The following TOP6BL variants were observed in gnomAD, a reference collection of about 807,000 sequenced individuals.
TOP6BL encodes type 2 DNA topoisomerase 6 subunit B-like.
the TOP6BL span, among the ~76,000 whole-genome samples, chr11:66,804,457 A>G: frequency 9.9e-5 from 15 of 152,218 alleles, no homozygotes; most frequent in Non-Finnish European, 2.1e-4. Context: ...ATGGGACTAG[A>G]AAAGTAGTCT....
At chr11:66,777,455 A>C in the TOP6BL span, among the ~76,000 whole-genome samples, 1 of 152,220 alleles carries the variant, frequency 6.6e-6, no homozygotes, top group African/African-American at 2.4e-5. Context: ...ACAGTTCTCA[A>C]TAAGTGCTAA....
the TOP6BL span, chr11:66,761,859 TA>T: frequency 1.1e-6 from 1 of 931,494 alleles, no homozygotes; most frequent in South Asian, 1.3e-5. Context: ...ATCCTCTGGA[TA>T]ATGACAGTCC....
chr11:66,805,833 T>G, the TOP6BL span, among the ~76,000 whole-genome samples: 1 of 152,202 alleles, frequency 6.6e-6, no homozygotes, highest in Non-Finnish European at 1.5e-5. Context: ...TTGAATATTC[T>G]AAAATCCATT....
the TOP6BL span, among the ~76,000 whole-genome samples, chr11:66,823,937 AC>A: frequency 6.6e-6 from 1 of 152,178 alleles, no homozygotes; most frequent in Non-Finnish European, 1.5e-5. Context: ...GAGCAACCTT[AC>A]CTATTACGTG....
chr11:66,797,837 TAGAG>T, the TOP6BL span, among the ~76,000 whole-genome samples: 8 of 152,178 alleles, frequency 5.3e-5, no homozygotes, highest in South Asian at 2.1e-4. Context: ...TTTTGAATAT[TAGAG>T]AGCTAAATTT....
the TOP6BL span, among the ~76,000 whole-genome samples, chr11:66,746,714 CAAAAA>C: frequency 7.0e-6 from 1 of 143,162 alleles, no homozygotes; most frequent in African/African-American, 2.6e-5. Context: ...AACTCCATCT[CAAAAA>C]AAAAAAATTA....
the TOP6BL span, among the ~76,000 whole-genome samples, chr11:66,838,081 C>T: frequency 2.6e-4 from 40 of 152,310 alleles, 1 homozygote; most frequent in African/African-American, 9.4e-4. Context: ...ACACAGGATA[C>T]TTGCAGAGTA....
chr11:66,762,425 G>A, the TOP6BL span: 7,184 of 318,442 alleles, frequency 0.023, 243 homozygotes, highest in Non-Finnish European at 0.029. Flanking sequence ...GAACATGTGC[G>A]GATGCAAAGG....
chr11:66,775,452 T>G, the TOP6BL span, among the ~76,000 whole-genome samples: 1 of 152,348 alleles, frequency 6.6e-6, no homozygotes, highest in South Asian at 2.1e-4. Flanking sequence ...TTTATATTTT[T>G]TGCCCTATGA....
At chr11:66,802,063 C>T in the TOP6BL span, among the ~76,000 whole-genome samples, 13 of 152,274 alleles carry the variant, frequency 8.5e-5, no homozygotes, top group Non-Finnish European at 1.8e-4. Context: ...CATCATAGCT[C>T]ACTGCAGCCT....
At chr11:66,814,384 G>T in the TOP6BL span, among the ~76,000 whole-genome samples, 5 of 152,008 alleles carry the variant, frequency 3.3e-5, no homozygotes, top group Admixed American at 3.3e-4. Context: ...TCACCCTTCC[G>T]AGTAGCTGGG....
At chr11:66,784,532 A>C in the TOP6BL span, among the ~76,000 whole-genome samples, 3 of 152,234 alleles carry the variant, frequency 2.0e-5, no homozygotes, top group African/African-American at 7.2e-5. Flanking sequence ...ACTCATTAGC[A>C]GTCACTCTGC....
At chr11:66,765,656 C>T in the TOP6BL span, among the ~76,000 whole-genome samples, 1 of 152,206 alleles carries the variant, frequency 6.6e-6, no homozygotes, top group African/African-American at 2.4e-5. Context: ...GCTGGGATTA[C>T]AAGCGCCTGC....
chr11:66,765,450 T>G, the TOP6BL span, among the ~76,000 whole-genome samples: 1 of 152,192 alleles, frequency 6.6e-6, no homozygotes, highest in African/African-American at 2.4e-5. Context: ...GTAGCCTAAG[T>G]CTTCTCTCCA....
At chr11:66,811,758 T>C in the TOP6BL span, among the ~76,000 whole-genome samples, 1 of 152,108 alleles carries the variant, frequency 6.6e-6, no homozygotes, top group Non-Finnish European at 1.5e-5. Flanking sequence ...ACTAATAACT[T>C]AAAAAGGAGA....
chr11:66,808,094 A>G, the TOP6BL span, among the ~76,000 whole-genome samples: 2 of 152,270 alleles, frequency 1.3e-5, no homozygotes, highest in African/African-American at 2.4e-5. Flanking sequence ...ACAGTGTCCC[A>G]TGGTGCATAT....
chr11:66,819,477 A>G, the TOP6BL span, among the ~76,000 whole-genome samples: 1 of 152,204 alleles, frequency 6.6e-6, no homozygotes, highest in African/African-American at 2.4e-5. Flanking sequence ...TACATTTCAA[A>G]ACACTTCATG....
the TOP6BL span, among the ~76,000 whole-genome samples, chr11:66,775,190 T>TAG: frequency 2.6e-4 from 39 of 151,672 alleles, 1 homozygote; most frequent in African/African-American, 9.2e-4. Context: ...GAATTATAGA[T>TAG]TAAGTTGGTG....
At chr11:66,756,387 C>T in the TOP6BL span, 3 of 1,171,192 alleles carry the variant, frequency 2.6e-6, no homozygotes, top group East Asian at 7.7e-5. Context: ...GGCCGGAGTG[C>T]AGTGGCGCAG....
Sources: allele counts gnomAD v4.1 joint callset (sites outside exome capture counted in the v4.1 genomes callset), GRCh38; gene constraint gnomAD v4.1.1; transcripts MANE v1.5; gene names NCBI Gene and HGNC (gene_info 2026-07-23, HGNC 2026-07-21).